The following ZNF688 variants were observed in gnomAD, a reference collection of about 807,000 sequenced individuals.
The protein encoded by ZNF688 is zinc finger protein 688.
Under a neutral mutation model 13.2 loss-of-function variants are expected in ZNF688, and 10 were observed. The observed-to-expected ratio is 0.76, with a 90% CI of 0.47 to 1.28. ZNF688 has a LOEUF of 1.28. Among genes scored for constraint, ZNF688 ranks in the 50% most tolerant of loss-of-function variants. The pLI, the probability that ZNF688 is intolerant of heterozygous loss-of-function variation, is 0.00. For missense variants in ZNF688, 381 were observed against 391.4 expected (o/e 0.97, Z 0.22); for synonymous variants, 160 against 159.4 (o/e 1.00, Z -0.03).
At chr16:30,579,813 C>G in the ZNF688 span, 4 of 455,772 alleles carry the variant, frequency 8.8e-6, no homozygotes. Context: ...TTCATTCCTT[C>G]AAAAGTTTCC....
At chr16:30,571,256 G>T (rs1205521613) in intron 1 of ZNF688, 133 bp from the exon 2 acceptor site, 9 of 1,538,934 alleles carry the variant, frequency 5.8e-6, no homozygotes, top group Non-Finnish European at 7.0e-6. Context: ...CTGCCTGAAT[G>T]AAATGGATGC....
chr16:30,572,105 C>T (rs199764749), upstream of ZNF688: 59 of 1,560,514 alleles, frequency 3.8e-5, no homozygotes, highest in Admixed American at 2.5e-4. Context: ...GATGTAAGGG[C>T]CCGAAGCTTC....
At chr16:30,575,674 GAGA>G (rs1232629158), upstream of ZNF688, among the ~76,000 whole-genome samples, 1 of 149,284 alleles carries the variant, frequency 6.7e-6, no homozygotes, top group Non-Finnish European at 1.5e-5. Flanking sequence ...TTTTTTTTTG[GAGA>G]AGGAGTTTCA....
At chr16:30,570,834 A>T (rs1028254701) in intron 2 of ZNF688, 176 bp downstream of exon 2, 4 of 746,470 alleles carry the variant, frequency 5.4e-6, no homozygotes, top group African/African-American at 3.5e-5. Context: ...CCCAGTCCTC[A>T]CAGGACCGCT....
At chr16:30,572,058 C>G, upstream of ZNF688, 2 of 1,439,572 alleles carry the variant, frequency 1.4e-6, 1 homozygote, top group South Asian at 3.1e-5. Context: ...GGCGGGGTGT[C>G]TGGGAAGTAG....
intron 2 of ZNF688, chr16:30,570,664 T>C: frequency 1.9e-6 from 1 of 513,120 alleles, no homozygotes; most frequent in Non-Finnish European, 3.4e-6. Flanking sequence ...ACAGCGTTAC[T>C]GGTTTAGCTG....
In ZNF688 at chr16:30,571,133, A is replaced by G. The variant is rs1454952811; in HGVS notation, c.197-10T>C. 1 of 1,571,000 alleles carries G rather than the reference A, an allele frequency of 6.4e-7. No homozygotes were observed. Among genetic ancestry groups the G allele is most frequent in the African/African-American group, 1.4e-5 (1 of 72,912 alleles). On this transcript the variant is annotated splice_polypyrimidine_tract_variant and intron_variant, in intron 1 of 2. Coordinates refer to ENST00000223459, the MANE Select transcript of ZNF688 (RefSeq NM_145271.4). ...TTGGGGCCTGGGAATCCTGGGAGAG[A>G]ACAGGGATCACAGCGCGGGCCTGAG... is the stretch of plus-strand genomic sequence containing the variant.
At chr16:30,575,545 C>A (rs2051737668), upstream of ZNF688, among the ~76,000 whole-genome samples, 2 of 151,458 alleles carry the variant, frequency 1.3e-5, no homozygotes, top group African/African-American at 4.8e-5. Flanking sequence ...CATGCCCAGC[C>A]CACATGGTAG....
chr16:30,572,337 G>T, upstream of ZNF688: 1 of 1,390,330 alleles, frequency 7.2e-7, no homozygotes. Flanking sequence ...GGCGGGAGCT[G>T]GAATTTGGTC....
the ZNF688 span, chr16:30,578,711 A>T: frequency 6.6e-6 from 1 of 151,542 alleles, no homozygotes; most frequent in African/African-American, 2.4e-5. Flanking sequence ...CTTTTTTTTT[A>T]GTAGAGACAG....
chr16:30,571,980 C>G (rs775298350), upstream of ZNF688: 11 of 1,338,316 alleles, frequency 8.2e-6, no homozygotes, highest in East Asian at 2.8e-5. Flanking sequence ...GCCTTTCTGA[C>G]TTCTCTGGCC....
upstream of ZNF688, chr16:30,572,391 G>A: frequency 8.3e-7 from 1 of 1,199,720 alleles, no homozygotes; most frequent in Non-Finnish European, 1.1e-6. Context: ...CAAACCATGT[G>A]TACACCCGCG....
rs1198439440 is a variant in ZNF688 at position 30,571,081 on chromosome 16, T to C, written c.239A>G (p.Gln80Arg). 1.2e-6 allele frequency: 2 copies of C among 1,603,502 alleles called. No individual in the cohort carries two copies. The highest frequency in any genetic ancestry group is 8.5e-7 in the Non-Finnish European group (1 of 1,176,036). ...GGCGGGGCTCCAAGCCTCACTCTCCTGTTCCATCCAAGAGATGAGGGCTGG... is the reference window on the plus strand; with the variant it reads ...GGCGGGGCTCCAAGCCTCACTCTCCCGTTCCATCCAAGAGATGAGGGCTGG... ...PKPALISWMEQESEAWSPAAQ... is the reference protein window; with the variant it reads ...PKPALISWMERESEAWSPAAQ... The change falls in exon 2 of 3, where the codon CAG (glutamine) becomes CGG (arginine). Residue 80 changes from glutamine to arginine, a missense_variant. Physicochemically the swap from Gln to Arg is conservative, Grantham distance 43 (BLOSUM62 1). Coordinates refer to ENST00000223459, the MANE Select transcript of ZNF688 (RefSeq NM_145271.4).
rs1285726121 is a variant in ZNF688 at position 30,571,045 on chromosome 16, G to A, written c.275C>T (p.Pro92Leu). The A allele has an allele frequency of 6.2e-7, 1 of 1,612,526 alleles. No individual in the cohort carries two copies. The highest frequency in any genetic ancestry group is 8.5e-7 in the Non-Finnish European group (1 of 1,179,404). The change falls in exon 2 of 3, where the codon CCT becomes CTT. Residue 92 changes from proline to leucine, a missense_variant. By Grantham distance (98) the Pro-to-Leu change is moderately conservative (BLOSUM62 -3). Transcript: ENST00000223459. ...TCCTCCCAGTCTTTCCCCCTTCTCAGGATCCTGGGCGGCGGGGCTCCAAGC... is the reference window on the plus strand; with the variant it reads ...TCCTCCCAGTCTTTCCCCCTTCTCAAGATCCTGGGCGGCGGGGCTCCAAGC... ...SEAWSPAAQDPEKGERLGGAR... is the reference protein window; with the variant it reads ...SEAWSPAAQDLEKGERLGGAR...
chr16:30,577,656 G>A (rs1057127446), upstream of ZNF688, among the ~76,000 whole-genome samples: 1 of 150,072 alleles, frequency 6.7e-6, no homozygotes, highest in East Asian at 2.0e-4. Flanking sequence ...TTACAGACAT[G>A]AGCCACTGCA....
upstream of ZNF688, chr16:30,573,881 T>C (rs964213275): frequency 5.2e-6 from 2 of 388,202 alleles, no homozygotes; most frequent in Non-Finnish European, 1.0e-5. Flanking sequence ...CTGCACTCCA[T>C]GTGGTGAATA....
At chr16:30,574,555 A>AAC (rs112314784), upstream of ZNF688, among the ~76,000 whole-genome samples, 175 of 152,188 alleles carry the variant, frequency 1.1e-3, no homozygotes, top group African/African-American at 4.0e-3. Flanking sequence ...AAAAAAAAAA[A>AAC]AAACAAACAA....
intron 2 of ZNF688, 119 bp from the exon 3 acceptor site, chr16:30,570,555 T>A (rs1488030984): frequency 1.5e-5 from 19 of 1,277,108 alleles, no homozygotes; most frequent in Non-Finnish European, 1.8e-5. Context: ...ACACACAGGC[T>A]TTAGAACAAG....
upstream of ZNF688, chr16:30,572,220 C>A: frequency 6.2e-7 from 1 of 1,602,672 alleles, no homozygotes; most frequent in Non-Finnish European, 8.5e-7. Context: ...TTTGAAGGGA[C>A]CCCGCGGTCC....
Sources: allele counts gnomAD v4.1 joint callset (sites outside exome capture counted in the v4.1 genomes callset), GRCh38; gene constraint gnomAD v4.1.1; transcripts MANE v1.5; gene names NCBI Gene and HGNC (gene_info 2026-07-23, HGNC 2026-07-21).